ELMO1: variants seen among roughly 807,000 people sequenced by gnomAD.
The protein encoded by ELMO1 is engulfment and cell motility 1, also known as engulfment and cell motility protein 1.
Under a neutral mutation model 98.9 loss-of-function variants are expected in ELMO1, and 26 were observed. The observed-to-expected ratio is 0.26, with a 90% CI of 0.19 to 0.36. The LOEUF (loss-of-function observed/expected upper bound fraction) is 0.36, where lower values mean the gene tolerates loss of function less well. Ranked by LOEUF, ELMO1 falls within the 10% of genes least tolerant of loss-of-function variation. ELMO1 has a pLI of 1.00. For missense variants in ELMO1, 627 were observed against 935.2 expected (o/e 0.67, Z 4.30); for synonymous variants, 346 against 346.0 (o/e 1.00, Z 0.00).
intron 13 of ELMO1, among the ~76,000 whole-genome samples, chr7:37,206,588 T>G (rs1792636335): frequency 1.3e-5 from 2 of 152,246 alleles, no homozygotes; most frequent in Admixed American, 1.3e-4. Flanking sequence ...ATATGTAATT[T>G]TGTGTAATTA....
At chr7:37,044,169 A>G (rs1337749013) in intron 15 of ELMO1, among the ~76,000 whole-genome samples, 1 of 152,176 alleles carries the variant, frequency 6.6e-6, no homozygotes, top group African/African-American at 2.4e-5. Flanking sequence ...AAAATGCTCA[A>G]TGAGGGATGG....
At chr7:36,883,959 A>C (rs6966983) in intron 18 of ELMO1, among the ~76,000 whole-genome samples, 37,213 of 151,998 alleles carry the variant, frequency 0.24, 4,747 homozygotes, top group East Asian at 0.36. Flanking sequence ...CAACATGTAT[A>C]AGCTTGGGGA....
chr7:37,165,831 T>G (rs1789639363), intron 13 of ELMO1, among the ~76,000 whole-genome samples: 3 of 152,210 alleles, frequency 2.0e-5, no homozygotes, highest in African/African-American at 7.2e-5. Flanking sequence ...GGCTTTGGTA[T>G]CAGGATGATG....
At chr7:36,920,327 T>C (rs1479044904) in intron 16 of ELMO1, among the ~76,000 whole-genome samples, 1 of 152,254 alleles carries the variant, frequency 6.6e-6, no homozygotes, top group Non-Finnish European at 1.5e-5. Context: ...CAAGCAACTA[T>C]CATCTGGCAG....
At chr7:36,961,299 G>A (rs997212252) in intron 16 of ELMO1, among the ~76,000 whole-genome samples, 4 of 152,072 alleles carry the variant, frequency 2.6e-5, no homozygotes, top group East Asian at 1.9e-4. Flanking sequence ...CATCACCCAC[G>A]CACGGGGACA....
At position 36,921,413 on chromosome 7, in the gene ELMO1, G is replaced by A. The variant is rs150759664; in HGVS notation, c.1438-26396C>T. Among the ~76,000 whole-genome samples the A allele has an allele frequency of 7.9e-5, 12 of 152,210 alleles. No homozygotes were observed. The East Asian group carries it at 2.3e-3, about 29-fold the overall frequency. On this transcript the variant is annotated intron_variant, in intron 16 of 21. Coordinates refer to ENST00000310758, the MANE Select transcript of ELMO1 (RefSeq NM_014800.11). The stretch of plus-strand genomic sequence containing the variant: ...CAACTGTAAGATGAGGACAAAAACA[G>A]TATCTAAAGTCTTGTGAAAATTATG...
chr7:37,424,382 T>C (rs1305277023), intron 1 of ELMO1, among the ~76,000 whole-genome samples: 2 of 152,174 alleles, frequency 1.3e-5, no homozygotes, highest in South Asian at 2.1e-4. Context: ...TTCTCAGTAC[T>C]CATGGGCAGG....
At chr7:37,204,693 A>G (rs531982217) in intron 13 of ELMO1, among the ~76,000 whole-genome samples, 1 of 152,224 alleles carries the variant, frequency 6.6e-6, no homozygotes, top group Non-Finnish European at 1.5e-5. Flanking sequence ...TCCATTTTAC[A>G]GAGTGCTGAT....
intron 1 of ELMO1, among the ~76,000 whole-genome samples, chr7:37,435,748 T>C (rs1562690987): frequency 6.6e-6 from 1 of 152,186 alleles, no homozygotes; most frequent in African/African-American, 2.4e-5. Flanking sequence ...TTGACAATAA[T>C]TATATGACAA....
intron 16 of ELMO1, among the ~76,000 whole-genome samples, chr7:36,929,037 T>C (rs1247693689): frequency 6.6e-6 from 1 of 152,174 alleles, no homozygotes; most frequent in Non-Finnish European, 1.5e-5. Context: ...TGGAGATTAC[T>C]AAGAAAGGGC....
At chr7:37,079,618 A>G (rs1797758321) in intron 15 of ELMO1, among the ~76,000 whole-genome samples, 1 of 152,180 alleles carries the variant, frequency 6.6e-6, no homozygotes, top group Non-Finnish European at 1.5e-5. Flanking sequence ...ACTCTTGTTC[A>G]GGTCACCCTG....
chr7:37,184,498 C>A (rs560515693), intron 13 of ELMO1, among the ~76,000 whole-genome samples: 1 of 152,190 alleles, frequency 6.6e-6, no homozygotes, highest in East Asian at 1.9e-4. Flanking sequence ...ACGGTCAAGG[C>A]CAAAAGTGAA....
Position 37,244,255 on chromosome 7 carries a change from A to T in ELMO1, c.449+101T>A, listed in dbSNP as rs527920782. Reference sequence around the variant, plus strand: ...TAACAAAAAATCACTTATTCAAAATACTAGATGCATAGTTATACAATCAGT... The same window carrying T: ...TAACAAAAAATCACTTATTCAAAATTCTAGATGCATAGTTATACAATCAGT... On this transcript the variant is annotated intron_variant, in intron 7 of 21. Coordinates refer to ENST00000310758, the MANE Select transcript of ELMO1 (RefSeq NM_014800.11). 1,946 of 1,184,284 alleles carry T rather than the reference A, an allele frequency of 1.6e-3. 9 individuals carry two copies. The highest frequency in any genetic ancestry group is 6.3e-3 in the South Asian group (399 of 62,924). 73.4% of individuals were successfully genotyped at this position (1,184,284 alleles called of 1,614,324 possible).
At chr7:37,027,119 G>T (rs1229600143) in intron 15 of ELMO1, among the ~76,000 whole-genome samples, 1 of 152,048 alleles carries the variant, frequency 6.6e-6, no homozygotes, top group Non-Finnish European at 1.5e-5. Flanking sequence ...CCTTAAAATA[G>T]TTCATCCTTC....
intron 1 of ELMO1, among the ~76,000 whole-genome samples, chr7:37,376,317 CA>C (rs1457392682): frequency 6.6e-6 from 1 of 152,172 alleles, no homozygotes; most frequent in Non-Finnish European, 1.5e-5. Flanking sequence ...TGGGCATAGA[CA>C]AAGCTAACTA....
At chr7:37,402,130 G>A (rs1012819655) in intron 1 of ELMO1, among the ~76,000 whole-genome samples, 3 of 152,092 alleles carry the variant, frequency 2.0e-5, no homozygotes, top group Non-Finnish European at 2.9e-5. Context: ...TCTGTCTTTT[G>A]TTATAGGGGC....
rs112527908 is a variant in ELMO1 at position 37,438,625 on chromosome 7, T to A, written c.-74+10050A>T. On this transcript the variant is annotated intron_variant, in intron 1 of 21. Transcript: ENST00000310758. ...AAAAAAAAAAACACTACTGAATCAG[T>A]GATAATAACCTCAATAATAATAGCA... Among the ~76,000 whole-genome samples, 1,399 of 151,868 alleles carry A rather than the reference T, an allele frequency of 9.2e-3. 16 individuals carry two copies. The highest frequency in any genetic ancestry group is 0.032 in the African/African-American group (1,315 of 41,406).
intron 16 of ELMO1, among the ~76,000 whole-genome samples, chr7:36,927,247 T>C (rs73115372): frequency 0.09 from 13,769 of 152,174 alleles, 755 homozygotes; most frequent in Middle Eastern, 0.15. Flanking sequence ...CACTATGCTA[T>C]CCCTGCCTCA....
At chr7:37,218,414 G>C (rs57957058) in intron 10 of ELMO1, among the ~76,000 whole-genome samples, 2 of 151,626 alleles carry the variant, frequency 1.3e-5, no homozygotes, top group Non-Finnish European at 2.9e-5. Context: ...GTCTGACACC[G>C]AGAAGACAAT....
Sources: allele counts gnomAD v4.1 joint callset (sites outside exome capture counted in the v4.1 genomes callset), GRCh38; gene constraint gnomAD v4.1.1; transcripts MANE v1.5; gene names NCBI Gene and HGNC (gene_info 2026-07-23, HGNC 2026-07-21).